Variants in ZEB2 observed in about 807,000 individuals in gnomAD.
ZEB2 encodes zinc finger E-box binding homeobox 2.
ZEB2 carries 6 observed loss-of-function variants against 99.9 expected under a neutral mutation model. The observed-to-expected ratio is 0.06, with a 90% CI of 0.03 to 0.12. The LOEUF is 0.12. ZEB2 is among the 10% of genes least tolerant of loss of function. The pLI, the probability that ZEB2 is intolerant of heterozygous loss-of-function variation, is 1.00. For synonymous variants in ZEB2, 517 were observed against 542.5 expected (o/e 0.95, Z 0.65); for missense variants, 969 against 1,502.8 (o/e 0.64, Z 5.87).
chr2:144,447,125 C>A (rs958457896), intron 2 of ZEB2, among the ~76,000 whole-genome samples: 11 of 151,524 alleles, frequency 7.3e-5, no homozygotes, highest in Non-Finnish European at 1.6e-4. Flanking sequence ...GATCATATTT[C>A]TTTAAATGAC....
In ZEB2 at chr2:144,387,770, T is replaced by C. The variant is rs1310317743; in HGVS notation, c.*1681A>G. On this transcript the variant is annotated 3_prime_UTR_variant, in exon 10 of 10. Transcript: ENST00000627532. The stretch of plus-strand genomic sequence containing the variant: ...TGTCTGTAAAGTAAATAGACTAAAT[T>C]TGAATAATATAACCTCACATAAAAA... The C allele has an allele frequency of 6.6e-6, 1 of 152,114 alleles. No individual in the cohort carries two copies. 9.4% of individuals were successfully genotyped at this position (152,114 alleles called of 1,614,324 possible).
intron 4 of ZEB2, among the ~76,000 whole-genome samples, chr2:144,416,932 C>T (rs930180815): frequency 6.6e-5 from 10 of 152,168 alleles, no homozygotes; most frequent in Middle Eastern, 3.2e-3. Flanking sequence ...TCAAATAAAA[C>T]GTCTTAATCC....
At chr2:144,460,382 A>G (rs958717191) in intron 2 of ZEB2, among the ~76,000 whole-genome samples, 36 of 151,696 alleles carry the variant, frequency 2.4e-4, no homozygotes, top group African/African-American at 8.5e-4. Flanking sequence ...CTCTCTATTT[A>G]TTTATTTATT....
chr2:144,505,138 CAA>C (rs908380311), intron 2 of ZEB2, among the ~76,000 whole-genome samples: 3 of 146,748 alleles, frequency 2.0e-5, no homozygotes, highest in South Asian at 4.3e-4. Flanking sequence ...ATAATGGCTC[CAA>C]GAGAGAGAAG....
intron 2 of ZEB2, among the ~76,000 whole-genome samples, chr2:144,449,053 G>A (rs576094951): frequency 7.9e-5 from 12 of 152,312 alleles, no homozygotes; most frequent in Non-Finnish European, 5.9e-5. Context: ...CTGAGAAGAC[G>A]TGAAGCAGCC....
chr2:144,513,816 G>T (rs983881872), intron 2 of ZEB2: 2 of 1,535,978 alleles, frequency 1.3e-6, no homozygotes, highest in African/African-American at 2.7e-5. Flanking sequence ...AGATAGTGGG[G>T]TATAATCAGG....
chr2:144,498,072 T>TTAA (rs1431506953), intron 2 of ZEB2, among the ~76,000 whole-genome samples: 1 of 31,690 alleles, frequency 3.2e-5, no homozygotes. Context: ...TATATTAATA[T>TTAA]TATATATTAT....
chr2:144,454,420 A>C (rs1286196595), intron 2 of ZEB2, among the ~76,000 whole-genome samples: 1 of 152,202 alleles, frequency 6.6e-6, no homozygotes, highest in East Asian at 1.9e-4. Flanking sequence ...AGCGAACAAG[A>C]AGCACAAGAT....
chr2:144,495,005 T>C (rs535701415), intron 2 of ZEB2: 21 of 152,342 alleles, frequency 1.4e-4, no homozygotes, highest in African/African-American at 5.1e-4. Context: ...CACACACACA[T>C]ATACTATCTC....
chr2:144,502,403 C>A (rs1160919863), intron 2 of ZEB2, among the ~76,000 whole-genome samples: 1 of 152,024 alleles, frequency 6.6e-6, no homozygotes, highest in Non-Finnish European at 1.5e-5. Context: ...AACATCTGTG[C>A]TCCTGCTGGC....
At chr2:144,479,755 GC>G (rs1704483767) in intron 2 of ZEB2, among the ~76,000 whole-genome samples, 1 of 145,734 alleles carries the variant, frequency 6.9e-6, no homozygotes, top group Non-Finnish European at 1.5e-5. Context: ...GATTTCCCCA[GC>G]AACAGACCCC....
intron 2 of ZEB2, among the ~76,000 whole-genome samples, chr2:144,481,441 C>T (rs1031275650): frequency 1.3e-5 from 2 of 152,116 alleles, no homozygotes; most frequent in Non-Finnish European, 2.9e-5. Flanking sequence ...TTTCTAAAGC[C>T]ATTATATTAA....
intron 2 of ZEB2, among the ~76,000 whole-genome samples, chr2:144,484,676 C>T (rs925433099): frequency 6.6e-6 from 1 of 152,140 alleles, no homozygotes; most frequent in Non-Finnish European, 1.5e-5. Flanking sequence ...TCCTGGCAAC[C>T]TTCCTGTCTT....
intron 2 of ZEB2, among the ~76,000 whole-genome samples, chr2:144,481,845 C>A (rs780340850): frequency 1.1e-4 from 17 of 152,152 alleles, no homozygotes; most frequent in Non-Finnish European, 2.1e-4. Context: ...CACTATAGTG[C>A]GTCACCCTTC....
At chr2:144,499,209 A>T (rs190939773) in intron 2 of ZEB2, among the ~76,000 whole-genome samples, 1 of 152,310 alleles carries the variant, frequency 6.6e-6, no homozygotes, top group East Asian at 1.9e-4. Flanking sequence ...AAAGTCTCTT[A>T]ACTCCAGTGG....
intron 2 of ZEB2, among the ~76,000 whole-genome samples, chr2:144,492,297 T>C (rs1704692599): frequency 6.6e-6 from 1 of 152,186 alleles, no homozygotes. Context: ...AGGGGTAAGA[T>C]ATCTACCCAT....
rs549257312 is a variant in ZEB2 at position 144,440,780 on chromosome 2, T to C, written c.74-10754A>G. On this transcript the variant is annotated intron_variant, in intron 2 of 9. Transcript: ENST00000627532. ...TTTTACAAAAGGATCCTGAGGCTTATATTGGTGGTGTAAATTGCCAACAAG... is the reference window on the plus strand; with the variant it reads ...TTTTACAAAAGGATCCTGAGGCTTACATTGGTGGTGTAAATTGCCAACAAG... Among the ~76,000 whole-genome samples, 28 of 151,830 alleles carry C rather than the reference T, an allele frequency of 1.8e-4. No individual in the cohort carries two copies. The South Asian group carries it at 5.6e-3, about 30-fold the overall frequency.
Position 144,519,723 on chromosome 2 carries a change from A to G in ZEB2, c.-70+216T>C, listed in dbSNP as rs373375756. The G allele has an allele frequency of 5.9e-5, 19 of 322,206 alleles. No individual in the cohort carries two copies. The East Asian group carries it at 1.6e-3, about 27-fold the overall frequency. The allele number at this position is 322,206 out of a possible 1,614,324, so 20.0% of individuals were successfully genotyped here. A position where few individuals can be genotyped will look rare whatever the true frequency, so the allele number is the denominator to read the frequency against. ...AGGGAAAAAGGAGAGAAAAGCAAGG[A>G]GAGAGAGTGTGAGTGTAAGAGAAAG... On this transcript the variant is annotated intron_variant, in intron 1 of 9. Transcript: ENST00000627532.
At chr2:144,486,450 C>A (rs1168085251) in intron 2 of ZEB2, among the ~76,000 whole-genome samples, 1 of 151,466 alleles carries the variant, frequency 6.6e-6, no homozygotes. Flanking sequence ...TCAAGTGGAA[C>A]TCGGCAATTA....
Sources: gnomAD v4.1 joint callset for allele counts (sites outside exome capture counted in the v4.1 genomes callset) on GRCh38, gnomAD v4.1.1 for gene constraint, MANE v1.5 for transcripts, NCBI Gene and HGNC (gene_info 2026-07-23, HGNC 2026-07-21) for gene names.